TENM1: variants seen among roughly 807,000 people sequenced by gnomAD.
TENM1 encodes teneurin transmembrane protein 1.
A neutral mutation model predicts 174.8 loss-of-function variants in TENM1; 35 were observed. The observed-to-expected ratio is 0.20, with a 90% CI of 0.15 to 0.27. The LOEUF (loss-of-function observed/expected upper bound fraction) is 0.27. Ranked by LOEUF, TENM1 falls within the 10% of genes least tolerant of loss-of-function variation. TENM1 has a pLI of 1.00. For synonymous variants in TENM1, 781 were observed against 798.7 expected, an observed-to-expected ratio of 0.98 and a Z score of 0.37; for missense variants, 1,633 against 2,130.1, an observed-to-expected ratio of 0.77 and a Z score of 4.59.
intron 15 of TENM1, among the ~76,000 whole-genome samples, chrX:124,546,561 T>C (rs933501962): frequency 3.6e-5 from 4 of 112,078 alleles, no homozygotes; most frequent in African/African-American, 1.3e-4. Flanking sequence ...ATTCAAGATT[T>C]TTTCAATGAA....
At chrX:124,555,334 C>T (rs939366855) in intron 14 of TENM1, among the ~76,000 whole-genome samples, 32 of 111,562 alleles carry the variant, frequency 2.9e-4, no homozygotes, top group Non-Finnish European at 5.6e-4. Flanking sequence ...TAGGTCAGGT[C>T]CCCATGCACA....
chrX:125,132,416 T>A, the TENM1 span, among the ~76,000 whole-genome samples: 1 of 111,685 alleles, frequency 9.0e-6, no homozygotes, highest in Non-Finnish European at 1.9e-5. Context: ...CATGGCCTTA[T>A]CTTTTCATCT....
At position 124,425,146 on chromosome X, in the gene TENM1, C is replaced by T. The variant is rs756262851; in HGVS notation, c.4105-2508G>A. ...ACATTTTCTTTATCCATTCATCTGT[C>T]GATAGACACTTAGGTTGAGTTCATG... On this transcript the variant is annotated intron_variant, in intron 23 of 31. Transcript: ENST00000422452. 9.8e-5 allele frequency among the ~76,000 whole-genome samples: 11 copies of T among 112,009 alleles called. No individual in the cohort carries two copies. In the South Asian group the frequency reaches 2.2e-3, roughly 23 times the overall value.
At chrX:125,059,997 C>CA in the TENM1 span, among the ~76,000 whole-genome samples, 1,095 of 102,158 alleles carry the variant, frequency 0.011, 6 homozygotes, top group African/African-American at 0.026. Context: ...ATGGAAGCCT[C>CA]AAAAAAAAAA....
At chrX:124,410,430 C>G (rs2060519570) in intron 25 of TENM1, among the ~76,000 whole-genome samples, 1 of 111,719 alleles carries the variant, frequency 9.0e-6, no homozygotes, top group Non-Finnish European at 1.9e-5. Context: ...AGAAGAAAAC[C>G]TAGGCATTAC....
intron 1 of TENM1, among the ~76,000 whole-genome samples, chrX:124,925,313 A>C (rs1311488362): frequency 9.0e-6 from 1 of 110,848 alleles, no homozygotes; most frequent in Non-Finnish European, 1.9e-5. Context: ...AGGTTAATAA[A>C]TTACTTGGAT....
chrX:124,675,803 A>C (rs1569384067), intron 5 of TENM1, among the ~76,000 whole-genome samples: 1 of 110,376 alleles, frequency 9.1e-6, no homozygotes. Context: ...GGGTAGTTAT[A>C]AGTGCTATGA....
At chrX:124,498,916 T>C (rs966622913) in intron 19 of TENM1, among the ~76,000 whole-genome samples, 2 of 111,201 alleles carry the variant, frequency 1.8e-5, no homozygotes, top group Non-Finnish European at 3.8e-5. Context: ...ATGTTGAAAA[T>C]AGGCTTTGAG....
the TENM1 span, among the ~76,000 whole-genome samples, chrX:125,048,243 ATTTTTTT>A: frequency 1.6e-5 from 1 of 64,222 alleles, no homozygotes; most frequent in Non-Finnish European, 2.8e-5. Context: ...GTTTCGAAGC[ATTTTTTT>A]TTTTTTTTTT....
chrX:124,590,545 G>C (rs898169471), intron 11 of TENM1, among the ~76,000 whole-genome samples: 2 of 111,374 alleles, frequency 1.8e-5, no homozygotes, highest in African/African-American at 6.5e-5. Context: ...CGTGAAAATG[G>C]CCATACTGCC....
rs768640107 is a variant in TENM1, at chrX:124,929,722, C to G, written c.218-33481G>C. On this transcript the variant is annotated intron_variant, in intron 1 of 31. Coordinates refer to ENST00000422452, the Ensembl canonical transcript of TENM1. Reference sequence around the variant, plus strand: ...CTACTTGCTTAGTTTTCTGACATGGCTTTAGCATCCTAATTTCCCATAAGC... The same window carrying G: ...CTACTTGCTTAGTTTTCTGACATGGGTTTAGCATCCTAATTTCCCATAAGC... 6.5e-4 allele frequency among the ~76,000 whole-genome samples: 73 copies of G among 111,896 alleles called. No individual in the cohort carries two copies. In the South Asian group the frequency reaches 0.027, roughly 41 times the overall value.
intron 8 of TENM1, among the ~76,000 whole-genome samples, chrX:124,648,666 T>A (rs769631557): frequency 5.3e-5 from 6 of 112,318 alleles, no homozygotes; most frequent in Non-Finnish European, 7.5e-5. Context: ...CTTATCTAGC[T>A]TCCTTGTACC....
intron 5 of TENM1, among the ~76,000 whole-genome samples, chrX:124,700,079 C>T (rs1312833788): frequency 8.9e-6 from 1 of 112,117 alleles, no homozygotes; most frequent in Non-Finnish European, 1.9e-5. Context: ...TGAGTCATTT[C>T]TTGAATGTTA....
intron 11 of TENM1, among the ~76,000 whole-genome samples, chrX:124,606,199 G>T (rs2050152519): frequency 9.0e-6 from 1 of 110,665 alleles, no homozygotes; most frequent in Non-Finnish European, 1.9e-5. Flanking sequence ...AAAATGTGAG[G>T]GTGAGGCCTG....
intron 1 of TENM1, among the ~76,000 whole-genome samples, chrX:124,943,948 AC>A (rs1296086587): frequency 1.8e-5 from 2 of 111,881 alleles, no homozygotes; most frequent in East Asian, 5.6e-4. Context: ...ATTAGGAAAA[AC>A]CTGCTGCTGA....
intron 1 of TENM1, among the ~76,000 whole-genome samples, chrX:124,910,125 A>C (rs2057811997): frequency 8.9e-6 from 1 of 112,357 alleles, no homozygotes; most frequent in Non-Finnish European, 1.9e-5. Flanking sequence ...AATTAGATAA[A>C]GGCATGCTTC....
chrX:124,687,356 G>C (rs1350730862), intron 5 of TENM1, among the ~76,000 whole-genome samples: 1 of 111,738 alleles, frequency 8.9e-6, no homozygotes, highest in Non-Finnish European at 1.9e-5. Context: ...TTAATGAATA[G>C]TGCTGGGAAA....
intron 1 of TENM1, among the ~76,000 whole-genome samples, chrX:124,937,802 A>G (rs926214320): frequency 8.9e-6 from 1 of 111,946 alleles, no homozygotes; most frequent in Admixed American, 9.4e-5. Flanking sequence ...CCTGCCTCAT[A>G]TAGCAACTCG....
chrX:124,836,709 C>T (rs1235628357), intron 3 of TENM1, among the ~76,000 whole-genome samples: 3 of 112,222 alleles, frequency 2.7e-5, no homozygotes, highest in Non-Finnish European at 5.6e-5. Flanking sequence ...GCTGGAAGAG[C>T]CCTTGCAAAT....
Sources: allele counts gnomAD v4.1 joint callset (sites outside exome capture counted in the v4.1 genomes callset), GRCh38; gene constraint gnomAD v4.1.1; transcripts MANE v1.5; gene names NCBI Gene and HGNC (gene_info 2026-07-23, HGNC 2026-07-21).